RNF157: variants seen among roughly 807,000 people sequenced by gnomAD.
RNF157 encodes E3 ubiquitin ligase RNF157.
In RNF157, 55 loss-of-function variants were observed where a neutral mutation model predicts 88.3. The ratio of observed to expected loss-of-function variants is 0.62; its 90% CI spans 0.50 to 0.78. The LOEUF is 0.78. Ranked by LOEUF, RNF157 falls within the 30% of genes least tolerant of loss-of-function variation. The pLI is 0.00. For synonymous variants in RNF157, 334 were observed against 341.2 expected (o/e 0.98, Z 0.23); for missense variants, 788 against 860.8 (o/e 0.92, Z 1.06).
chr17:76,185,723 C>A (rs1169226687), intron 2 of RNF157, among the ~76,000 whole-genome samples: 1 of 152,108 alleles, frequency 6.6e-6, no homozygotes, highest in African/African-American at 2.4e-5. Context: ...CCCGCCTCGG[C>A]CTCCCAAAGT....
At chr17:76,197,954 C>G (rs570455480) in intron 2 of RNF157, among the ~76,000 whole-genome samples, 10 of 152,248 alleles carry the variant, frequency 6.6e-5, no homozygotes, top group Middle Eastern at 3.4e-3. Flanking sequence ...ATAGCCCTCT[C>G]CCTTGAAGAT....
Position 76,144,377 on chromosome 17 carries a change from G to A in RNF157, c.*858C>T, listed in dbSNP as rs865994197. On this transcript the variant is annotated 3_prime_UTR_variant, in exon 19 of 19. Transcript: ENST00000269391. ...GGCTGGAGTGCATTGGCGCGATCTCGGCTCACTGCAAGCTCCGCCTCCCGG... is the reference window on the plus strand; with the variant it reads ...GGCTGGAGTGCATTGGCGCGATCTCAGCTCACTGCAAGCTCCGCCTCCCGG... The A allele has an allele frequency of 1.3e-5, 2 of 150,442 alleles. No individual in the cohort carries two copies. Among genetic ancestry groups the A allele is most frequent in the African/African-American group, 2.5e-5 (1 of 40,690 alleles). The allele number at this position is 150,442 out of a possible 1,614,324, so 9.3% of individuals were successfully genotyped here.
chr17:76,238,932 G>A (rs954621816), intron 1 of RNF157, among the ~76,000 whole-genome samples: 2 of 152,338 alleles, frequency 1.3e-5, no homozygotes, highest in Non-Finnish European at 1.5e-5. Flanking sequence ...TACAAAAGCA[G>A]TGAGAAACAC....
chr17:76,186,555 T>C (rs2069291821), intron 2 of RNF157, among the ~76,000 whole-genome samples: 1 of 152,012 alleles, frequency 6.6e-6, no homozygotes, highest in Admixed American at 6.6e-5. Context: ...AAACTACTTA[T>C]GTAAGATTCA....
In RNF157 at chr17:76,174,029, A is replaced by G. The variant is rs76915053; in HGVS notation, c.208-239T>C. Reference sequence around the variant, plus strand: ...GCCAGATTTATCTTCTTTTTCCATTATATGAAGCTTATTTCGGTCAGTGTT... The same window carrying G: ...GCCAGATTTATCTTCTTTTTCCATTGTATGAAGCTTATTTCGGTCAGTGTT... On this transcript the variant is annotated intron_variant, in intron 2 of 18. Coordinates refer to ENST00000269391, the MANE Select transcript of RNF157 (RefSeq NM_052916.3). Among the ~76,000 whole-genome samples, 698 of 152,142 alleles carry G rather than the reference A, an allele frequency of 4.6e-3. 2 individuals carry two copies. The highest frequency in any genetic ancestry group is 0.015 in the African/African-American group (625 of 41,498).
At chr17:76,228,819 G>GCTGA (rs1395844630) in intron 1 of RNF157, among the ~76,000 whole-genome samples, 1 of 152,078 alleles carries the variant, frequency 6.6e-6, no homozygotes, top group Non-Finnish European at 1.5e-5. Flanking sequence ...TACTCGGGAG[G>GCTGA]CTGAGGCAGG....
chr17:76,214,968 C>T (rs2069863808), intron 1 of RNF157, among the ~76,000 whole-genome samples: 1 of 152,080 alleles, frequency 6.6e-6, no homozygotes, highest in Non-Finnish European at 1.5e-5. Flanking sequence ...TTATCTAATT[C>T]TCCCATGAAG....
At chr17:76,225,892 A>T in intron 1 of RNF157, 11 of 1,613,474 alleles carry the variant, frequency 6.8e-6, no homozygotes, top group Non-Finnish European at 9.3e-6. Context: ...CGCCAGTGAG[A>T]GCCTCCTGCT....
At position 76,146,473 on chromosome 17, in the gene RNF157, C is replaced by A; in HGVS notation, c.1922-1120G>T. 60 of 985,718 alleles carry A rather than the reference C, an allele frequency of 6.1e-5. No individual in the cohort carries two copies. Among genetic ancestry groups the A allele is most frequent in the Non-Finnish European group, 7.1e-5 (59 of 830,162 alleles). 61.1% of individuals were successfully genotyped at this position (985,718 alleles called of 1,614,324 possible). On this transcript the variant is annotated intron_variant, in intron 18 of 18. Coordinates refer to ENST00000269391, the MANE Select transcript of RNF157 (RefSeq NM_052916.3). This position sits in a 1 kb window ranked among gnomAD's most constrained non-coding sequence, Gnocchi z 4.2. ...TGCCCTCCCTCCAGTGAGGCTAGGGCGCTCCTGCCTTGGGCCTCGGCTGCC... is the reference window on the plus strand; with the variant it reads ...TGCCCTCCCTCCAGTGAGGCTAGGGAGCTCCTGCCTTGGGCCTCGGCTGCC...
chr17:76,180,374 C>A lies in RNF157; in HGVS notation c.208-6584G>T, dbSNP rs112669579. On this transcript the variant is annotated intron_variant, in intron 2 of 18. Transcript: ENST00000269391. ...TACGACAGAAAAGCAAGGCACAGAT[C>A]CCCCTAATCTATTCATCTAACCAGA... 4.9e-3 allele frequency among the ~76,000 whole-genome samples: 752 copies of A among 152,250 alleles called. 4 individuals carry two copies. The highest frequency in any genetic ancestry group is 7.7e-3 in the Admixed American group (118 of 15,284).
At position 76,212,524 on chromosome 17, in the gene RNF157, A is replaced by T. The variant is rs752657719; in HGVS notation, c.89-42T>A. The T allele has an allele frequency of 1.5e-5, 19 of 1,271,892 alleles. No homozygotes were observed. The Admixed American group carries it at 2.8e-4, about 18-fold the overall frequency. The allele number at this position is 1,271,892 out of a possible 1,614,324, so 78.8% of individuals were successfully genotyped here. A position where few individuals can be genotyped will look rare whatever the true frequency, so the allele number is the denominator to read the frequency against. ...AAAAAAAATCAAACAAGCAGAAAAC[A>T]GTCAACCTAAATCTAGTAAAAAAAA... On this transcript the variant is annotated intron_variant, in intron 1 of 18. Coordinates refer to ENST00000269391, the MANE Select transcript of RNF157 (RefSeq NM_052916.3).
chr17:76,210,952 G>A (rs1267966950), intron 2 of RNF157, among the ~76,000 whole-genome samples: 2 of 152,104 alleles, frequency 1.3e-5, no homozygotes, highest in Non-Finnish European at 2.9e-5. Flanking sequence ...TTATAGGGGT[G>A]TGCCACCACC....
intron 13 of RNF157, 120 bp from the exon 14 acceptor site, chr17:76,156,441 C>T (rs952388376): frequency 2.7e-6 from 4 of 1,507,282 alleles, no homozygotes; most frequent in Admixed American, 4.7e-5. Flanking sequence ...CTGGGAGGGA[C>T]TGAGTGGCAT....
intron 1 of RNF157, among the ~76,000 whole-genome samples, chr17:76,224,753 C>A (rs2070049652): frequency 6.6e-6 from 1 of 151,858 alleles, no homozygotes; most frequent in East Asian, 1.9e-4. Context: ...CAAAAAAACT[C>A]ATAATGTTTT....
rs375702438 is a variant in RNF157, at chr17:76,158,411, C to T, written c.1395G>A (p.Ser465=). 89 of 1,612,596 alleles carry T rather than the reference C, an allele frequency of 5.5e-5. No homozygotes were observed. Among genetic ancestry groups the T allele is most frequent in the East Asian group, 2.5e-4 (11 of 44,866 alleles). ...CAATTACCTCTCCGAGATGCTGAACCGACGGTCTCTGAGAGAGCTGTGTCT... is the reference window on the plus strand; with the variant it reads ...CAATTACCTCTCCGAGATGCTGAACTGACGGTCTCTGAGAGAGCTGTGTCT... ...ESETQLSQRP[S]VQHLGEECGV... Residue 465 remains serine (S), a synonymous_variant, in exon 13 of 19, where the codon TCG becomes TCA. Coordinates refer to ENST00000269391, the MANE Select transcript of RNF157 (RefSeq NM_052916.3).
chr17:76,234,256 C>T (rs1241420169), intron 1 of RNF157, among the ~76,000 whole-genome samples: 1 of 152,176 alleles, frequency 6.6e-6, no homozygotes, highest in African/African-American at 2.4e-5. Flanking sequence ...TGCAGACTTA[C>T]CATATTTTAT....
intron 13 of RNF157, 21 bp downstream of exon 13, chr17:76,158,372 G>T (rs368722076): frequency 7.0e-5 from 106 of 1,524,090 alleles, no homozygotes; most frequent in Admixed American, 3.8e-4. Flanking sequence ...CACCCAAGAA[G>T]AGGAGAGGAA....
chr17:76,145,181 T>C lies in RNF157; in HGVS notation c.*54A>G. ...GGATGCCCAGTAGGCAGCAGCTGAG[T>C]GAGGATGGATGGAATGCAGGGCAGG... On this transcript the variant is annotated 3_prime_UTR_variant, in exon 19 of 19. Transcript: ENST00000269391. The C allele has an allele frequency of 1.7e-6, 2 of 1,205,958 alleles. No homozygotes were observed. Among genetic ancestry groups the C allele is most frequent in the Non-Finnish European group, 1.2e-6 (1 of 825,934 alleles). The allele number at this position is 1,205,958 out of a possible 1,614,324, so 74.7% of individuals were successfully genotyped here.
chr17:76,180,043 G>C (rs1202793846), intron 2 of RNF157, among the ~76,000 whole-genome samples: 1 of 152,180 alleles, frequency 6.6e-6, no homozygotes, highest in Non-Finnish European at 1.5e-5. Flanking sequence ...TCCGGAAACA[G>C]GAAGAGCTTC....
Sources: gnomAD v4.1 joint callset for allele counts (sites outside exome capture counted in the v4.1 genomes callset) on GRCh38, gnomAD v4.1.1 for gene constraint, Gnocchi (gnomAD v3.1) non-coding constraint, MANE v1.5 for transcripts, NCBI Gene and HGNC (gene_info 2026-07-23, HGNC 2026-07-21) for gene names.